The following LRRC4C variants were observed in gnomAD, a reference collection of about 807,000 sequenced individuals.
LRRC4C encodes leucine-rich repeat-containing protein 4C.
LRRC4C carries 5 observed loss-of-function variants against 33.6 expected under a neutral mutation model. That is an observed-to-expected ratio of 0.15 (90% CI 0.08 to 0.31). The LOEUF (loss-of-function observed/expected upper bound fraction) is 0.31. Ranked by LOEUF, LRRC4C falls within the 10% of genes least tolerant of loss-of-function variation. The pLI, the probability that LRRC4C is intolerant of heterozygous loss-of-function variation, is 1.00. For missense variants in LRRC4C, 560 were observed against 796.7 expected (o/e 0.70, Z 3.58); for synonymous variants, 329 against 302.0 (o/e 1.09, Z -0.93).
chr11:41,400,318 T>G (rs905054640), intron 1 of LRRC4C, among the ~76,000 whole-genome samples: 4 of 151,950 alleles, frequency 2.6e-5, no homozygotes, highest in African/African-American at 9.7e-5. Context: ...CACTCATTTG[T>G]CAAGTGTCTT....
intron 1 of LRRC4C, among the ~76,000 whole-genome samples, chr11:41,443,089 A>ATTTTTTTTTTTTTTTTTTTTTGTTTCTT: frequency 9.4e-6 from 1 of 105,994 alleles, no homozygotes; most frequent in Non-Finnish European, 1.8e-5. Flanking sequence ...TGTTTGCTTC[A>ATTTTTTTTTTTTTTTTTTTTTGTTTCTT]TTTTTTTTTT....
intron 1 of LRRC4C, among the ~76,000 whole-genome samples, chr11:41,437,960 C>T (rs1201753566): frequency 2.0e-5 from 3 of 151,914 alleles, no homozygotes; most frequent in Admixed American, 6.6e-5. Context: ...ATAACTTGAA[C>T]CTGTGAGCTG....
chr11:40,511,567 G>T (rs1161683504), intron 3 of LRRC4C, among the ~76,000 whole-genome samples: 1 of 152,172 alleles, frequency 6.6e-6, no homozygotes, highest in East Asian at 1.9e-4. Context: ...AAGACTGAAA[G>T]CAGCACAGTG....
intron 1 of LRRC4C, among the ~76,000 whole-genome samples, chr11:41,099,111 T>C (rs1426050624): frequency 1.3e-5 from 2 of 152,000 alleles, no homozygotes; most frequent in Non-Finnish European, 2.9e-5. Context: ...CCTGGACATG[T>C]ATACCCTCCC....
At chr11:41,243,096 C>T (rs1277750614) in intron 1 of LRRC4C, among the ~76,000 whole-genome samples, 4 of 152,114 alleles carry the variant, frequency 2.6e-5, no homozygotes, top group Admixed American at 1.3e-4. Context: ...ATGTCAAATC[C>T]CTCTGACGCT....
intron 1 of LRRC4C, among the ~76,000 whole-genome samples, chr11:40,956,372 A>G (rs1384490083): frequency 1.3e-5 from 2 of 151,746 alleles, no homozygotes; most frequent in East Asian, 3.9e-4. Context: ...GAGCATTGCA[A>G]TTTGCTGGTA....
chr11:40,477,699 A>T (rs141323056), intron 3 of LRRC4C, among the ~76,000 whole-genome samples: 3 of 152,086 alleles, frequency 2.0e-5, no homozygotes, highest in South Asian at 2.1e-4. Flanking sequence ...TAACAATTTC[A>T]TCCTTGTGAA....
chr11:40,944,444 A>G (rs1240823312), intron 1 of LRRC4C, among the ~76,000 whole-genome samples: 1 of 152,178 alleles, frequency 6.6e-6, no homozygotes, highest in African/African-American at 2.4e-5. Context: ...GCTCCACTGG[A>G]AAGGAGGCAA....
At chr11:40,783,229 T>C (rs1950284825) in intron 2 of LRRC4C, among the ~76,000 whole-genome samples, 1 of 152,120 alleles carries the variant, frequency 6.6e-6, no homozygotes, top group African/African-American at 2.4e-5. Flanking sequence ...TTTTAAGGTG[T>C]TCGGTGATCT....
chr11:41,388,282 A>G (rs895974297), intron 1 of LRRC4C, among the ~76,000 whole-genome samples: 2 of 151,772 alleles, frequency 1.3e-5, no homozygotes, highest in Admixed American at 6.6e-5. Context: ...GGGTAAAGAT[A>G]ATGGGTTTCA....
intron 4 of LRRC4C, among the ~76,000 whole-genome samples, chr11:40,277,845 A>AT (rs1299152353): frequency 5.3e-5 from 8 of 152,224 alleles, no homozygotes; most frequent in East Asian, 1.9e-4. Context: ...CCTATCGCTG[A>AT]TTTTTTTGTA....
intron 5 of LRRC4C, among the ~76,000 whole-genome samples, chr11:40,214,228 A>G (rs114278247): frequency 6.6e-6 from 1 of 152,176 alleles, no homozygotes; most frequent in African/African-American, 2.4e-5. Context: ...TCCTGTCCTT[A>G]TGGCAAATTC....
chr11:41,405,329 C>T (rs372859077), intron 1 of LRRC4C, among the ~76,000 whole-genome samples: 1 of 152,050 alleles, frequency 6.6e-6, no homozygotes, highest in Non-Finnish European at 1.5e-5. Flanking sequence ...GTATTCCCAT[C>T]CAATTTTCTT....
At chr11:40,633,391 C>CT (rs1743505205) in intron 3 of LRRC4C, among the ~76,000 whole-genome samples, 19 of 124,482 alleles carry the variant, frequency 1.5e-4, no homozygotes, top group African/African-American at 5.3e-4. Context: ...TTCTTTCTTT[C>CT]TTTCTTTTTT....
chr11:40,289,098 G>A (rs1480498338), intron 4 of LRRC4C, among the ~76,000 whole-genome samples: 1 of 152,134 alleles, frequency 6.6e-6, no homozygotes, highest in African/African-American at 2.4e-5. Context: ...AATATATTGA[G>A]CCAATCTGTC....
At chr11:40,827,107 C>T (rs563701441) in intron 2 of LRRC4C, among the ~76,000 whole-genome samples, 29 of 151,872 alleles carry the variant, frequency 1.9e-4, no homozygotes, top group Admixed American at 1.6e-3. Context: ...AAAGCATAAA[C>T]TTACTCAAGA....
intron 1 of LRRC4C, chr11:41,426,491 T>C (rs1212265306): frequency 6.6e-6 from 1 of 152,198 alleles, no homozygotes; most frequent in Non-Finnish European, 1.5e-5. Context: ...GACAGCAATG[T>C]ATAGCTTGTG....
chr11:40,240,017 A>G lies in LRRC4C; in HGVS notation c.-96+1502T>C, dbSNP rs145240397. ...CCTGAATCGGAACTGGCATTTTAAC[A>G]TTATCTCCAAGTGACTCATACATAG... On this transcript the variant is annotated intron_variant, in intron 5 of 6. Coordinates refer to ENST00000528697, the MANE Select transcript of LRRC4C (RefSeq NM_001258419.2). Among the ~76,000 whole-genome samples, 10 of 152,312 alleles carry G rather than the reference A, an allele frequency of 6.6e-5. No individual in the cohort carries two copies. In the East Asian group the frequency reaches 1.9e-3, roughly 29 times the overall value.
At chr11:40,865,952 T>G (rs1223869706) in intron 2 of LRRC4C, among the ~76,000 whole-genome samples, 3 of 152,066 alleles carry the variant, frequency 2.0e-5, no homozygotes, top group Non-Finnish European at 4.4e-5. Context: ...CTGTAGATTT[T>G]TTTAATCTAT....
Sources: allele counts gnomAD v4.1 joint callset (sites outside exome capture counted in the v4.1 genomes callset), GRCh38; gene constraint gnomAD v4.1.1; transcripts MANE v1.5; gene names NCBI Gene and HGNC (gene_info 2026-07-23, HGNC 2026-07-21).